CCPG1: variants seen among roughly 807,000 people sequenced by gnomAD.
The protein encoded by CCPG1 is cell cycle progression protein 1.
A neutral mutation model predicts 81.3 loss-of-function variants in CCPG1; 46 were observed. The observed-to-expected ratio is 0.57, with a 90% confidence interval of 0.45 to 0.72. The LOEUF is 0.72. Among genes scored for constraint, CCPG1 ranks in the 30% least tolerant of loss-of-function variants. CCPG1 has a pLI of 0.00. For synonymous variants in CCPG1, 330 were observed against 305.2 expected (o/e 1.08, Z -0.85); for missense variants, 902 against 937.6 (o/e 0.96, Z 0.50).
intron 1 of CCPG1, among the ~76,000 whole-genome samples, chr15:55,391,191 T>A (rs1356919956): frequency 1.3e-5 from 2 of 152,362 alleles, no homozygotes; most frequent in African/African-American, 4.8e-5. Context: ...GGCGTAATCA[T>A]GGCTCACCAC....
intron 2 of CCPG1, among the ~76,000 whole-genome samples, chr15:55,388,561 TATAAA>T (rs557553492): frequency 1.3e-3 from 198 of 152,304 alleles, no homozygotes; most frequent in African/African-American, 4.5e-3. Flanking sequence ...TTTTCTCAAC[TATAAA>T]ATAAGAATGA....
Position 55,355,334 on chromosome 15 carries a change from T to C in CCPG1, c.*886A>G. 6.2e-7 allele frequency: 1 copy of C among 1,611,388 alleles called. No individual in the cohort carries two copies. The highest frequency in any genetic ancestry group is 1.1e-5 in the South Asian group (1 of 90,908). Reference sequence around the variant, plus strand: ...AAGCAATTATAAAAGAACTGCTGTTTTCTTCCACACTCACTTGCCAGAGGG... The same window carrying C: ...AAGCAATTATAAAAGAACTGCTGTTCTCTTCCACACTCACTTGCCAGAGGG... On this transcript the variant is annotated 3_prime_UTR_variant, in exon 9 of 9. Transcript: ENST00000442196.
chr15:55,374,199 T>C (rs760723750), intron 5 of CCPG1: 1 of 1,289,022 alleles, frequency 7.8e-7, no homozygotes, highest in South Asian at 1.2e-5. Flanking sequence ...CAGCTGATCA[T>C]CCCATCCCCA....
intron 7 of CCPG1, 66 bp from the exon 8 acceptor site, chr15:55,361,010 C>A: frequency 7.1e-7 from 1 of 1,413,692 alleles, no homozygotes; most frequent in Non-Finnish European, 9.3e-7. Context: ...TTTAAATCTT[C>A]AAGATATAAT....
At chr15:55,358,249 T>G in intron 8 of CCPG1, 1 of 423,996 alleles carries the variant, frequency 2.4e-6, no homozygotes, top group Non-Finnish European at 3.2e-6. Flanking sequence ...ATGTGTGAGA[T>G]TGTAAAGAAG....
At chr15:55,390,228 C>A (rs2056887075) in intron 1 of CCPG1, among the ~76,000 whole-genome samples, 1 of 152,098 alleles carries the variant, frequency 6.6e-6, no homozygotes, top group Admixed American at 6.5e-5. Context: ...GGCAATCAAA[C>A]TGTTTTTATG....
Position 55,360,814 on chromosome 15 carries a change from G to T in CCPG1, c.959C>A (p.Ala320Asp). The change falls in exon 8 of 9, where the codon GCC becomes GAC. Residue 320 changes from alanine (A) to aspartate (D), a missense_variant. Transcript: ENST00000442196. Reference sequence around the variant, plus strand: ...TAACTCTTCCTGTAATGAGGATAAGGCTTTTTCTTCCTTCTCCAAGGATAC... The same window carrying T: ...TAACTCTTCCTGTAATGAGGATAAGTCTTTTTCTTCCTTCTCCAAGGATAC... ...LRVSLEKEEKALSSLQEELNK... is the reference protein window; with the variant it reads ...LRVSLEKEEKDLSSLQEELNK... 6.2e-7 allele frequency: 1 copy of T among 1,612,246 alleles called. No homozygotes were observed. Among genetic ancestry groups the T allele is most frequent in the Non-Finnish European group, 8.5e-7 (1 of 1,179,444 alleles).
chr15:55,392,786 G>C (rs1433637965), intron 1 of CCPG1, among the ~76,000 whole-genome samples: 1 of 152,276 alleles, frequency 6.6e-6, no homozygotes. Flanking sequence ...CAAAGTACTA[G>C]GATGACAGGC....
chr15:55,379,309 C>T (rs1471155239), intron 3 of CCPG1, among the ~76,000 whole-genome samples: 3 of 151,780 alleles, frequency 2.0e-5, no homozygotes, highest in East Asian at 1.9e-4. Flanking sequence ...GACTGCTTGA[C>T]GCTACAAGTT....
intron 7 of CCPG1, among the ~76,000 whole-genome samples, chr15:55,361,538 T>A (rs1206176229): frequency 4.0e-5 from 6 of 151,306 alleles, no homozygotes; most frequent in African/African-American, 1.5e-4. Flanking sequence ...AAACCCCATC[T>A]CTACTAAAAA....
intron 4 of CCPG1, among the ~76,000 whole-genome samples, 187 bp from the exon 5 acceptor site, chr15:55,377,337 T>A (rs1339407248): frequency 1.3e-5 from 2 of 152,212 alleles, no homozygotes; most frequent in Non-Finnish European, 2.9e-5. Flanking sequence ...ATCAGATCCC[T>A]TGACAACTCT....
At chr15:55,366,014 C>T (rs937161470) in intron 6 of CCPG1, among the ~76,000 whole-genome samples, 12 of 152,148 alleles carry the variant, frequency 7.9e-5, no homozygotes, top group African/African-American at 2.6e-4. Context: ...TGAACGTTAA[C>T]GTAATATAAG....
At chr15:55,383,038 C>T (rs1462184999) in intron 3 of CCPG1, among the ~76,000 whole-genome samples, 2 of 152,190 alleles carry the variant, frequency 1.3e-5, no homozygotes, top group African/African-American at 4.8e-5. Context: ...TTGCCCAGAT[C>T]CATCAGAACA....
chr15:55,384,711 GAC>G (rs2056765256), intron 3 of CCPG1, among the ~76,000 whole-genome samples: 3 of 151,924 alleles, frequency 2.0e-5, no homozygotes, highest in African/African-American at 4.8e-5. Flanking sequence ...ATAAAAATGA[GAC>G]ACAGAGACAT....
chr15:55,406,436 C>CTTTTTTTTTTTTTG (rs1179605554), intron 1 of CCPG1, among the ~76,000 whole-genome samples: 3 of 126,272 alleles, frequency 2.4e-5, no homozygotes, highest in Non-Finnish European at 4.9e-5. Flanking sequence ...TTCTTTTTCT[C>CTTTTTTTTTTTTTG]TTTTTTTTTT....
intron 7 of CCPG1, among the ~76,000 whole-genome samples, chr15:55,362,975 G>C (rs1261743583): frequency 6.6e-6 from 1 of 152,120 alleles, no homozygotes; most frequent in Non-Finnish European, 1.5e-5. Flanking sequence ...CAGAAGTTAA[G>C]GCAGCAGTGA....
At position 55,378,245 on chromosome 15, in the gene CCPG1, T is replaced by C. The variant is rs962312365; in HGVS notation, c.252+55A>G. ...CATAAATAGAATTAGAGGCTTTAAA[T>C]AGTATTCTAAGGATACTATTTAACA... is the stretch of plus-strand genomic sequence containing the variant. On this transcript the variant is annotated intron_variant, in intron 4 of 8. Coordinates refer to ENST00000442196, the MANE Select transcript of CCPG1 (RefSeq NM_001204450.2). 6.6e-6 allele frequency: 7 copies of C among 1,062,938 alleles called. No individual in the cohort carries two copies. In the African/African-American group the frequency reaches 1.1e-4, roughly 17 times the overall value. The allele number at this position is 1,062,938 out of a possible 1,614,324, so 65.8% of individuals were successfully genotyped here.
At chr15:55,366,195 T>C (rs1440699639) in intron 6 of CCPG1, among the ~76,000 whole-genome samples, 1 of 152,224 alleles carries the variant, frequency 6.6e-6, no homozygotes, top group East Asian at 1.9e-4. Flanking sequence ...CTCAGCTTTG[T>C]TGTTTTGGGG....
rs535429789 is a variant in CCPG1 at position 55,359,151 on chromosome 15, G to T, written c.2234+388C>A. 89 of 979,460 alleles carry T rather than the reference G, an allele frequency of 9.1e-5. No homozygotes were observed. In the South Asian group the frequency reaches 3.8e-3, roughly 42 times the overall value. 60.7% of individuals were successfully genotyped at this position (979,460 alleles called of 1,614,324 possible). On this transcript the variant is annotated intron_variant, in intron 8 of 8. Coordinates refer to ENST00000442196, the MANE Select transcript of CCPG1 (RefSeq NM_001204450.2). Reference sequence around the variant, plus strand: ...CTTCTGACTTCAGAGTAAAATTTGTGTTGCTCATTCCTAGCTTCCAAAAGT... The same window carrying T: ...CTTCTGACTTCAGAGTAAAATTTGTTTTGCTCATTCCTAGCTTCCAAAAGT...
Sources: allele counts gnomAD v4.1 joint callset (sites outside exome capture counted in the v4.1 genomes callset), GRCh38; gene constraint gnomAD v4.1.1; transcripts MANE v1.5; gene names NCBI Gene and HGNC (gene_info 2026-07-23, HGNC 2026-07-21).